Variants in SLC25A21 observed in about 807,000 individuals in gnomAD.
SLC25A21 encodes mitochondrial 2-oxodicarboxylate carrier.
A neutral mutation model predicts 43.8 loss-of-function variants in SLC25A21; 47 were observed. The observed-to-expected ratio is 1.07, with a 90% CI of 0.85 to 1.37. The LOEUF (loss-of-function observed/expected upper bound fraction) is 1.37. SLC25A21 is among the 40% of genes most tolerant of loss of function. The probability of loss-of-function intolerance (pLI) is 0.00; values close to 1 mark genes in which losing one functional copy is unlikely to be tolerated. For missense variants in SLC25A21, 352 were observed against 350.2 expected (o/e 1.00, Z -0.04); for synonymous variants, 131 against 121.3 (o/e 1.08, Z -0.52).
At position 36,752,484 on chromosome 14, in the gene SLC25A21, G is replaced by C. The variant is rs113175820; in HGVS notation, c.204-17911C>G. Among the ~76,000 whole-genome samples the C allele has an allele frequency of 3.2e-3, 488 of 152,258 alleles. 3 individuals carry two copies. The highest frequency in any genetic ancestry group is 0.011 in the African/African-American group (456 of 41,544). On this transcript the variant is annotated intron_variant, in intron 3 of 9. Transcript: ENST00000331299. ...CAGCATTATTCACAATAGCCAAAAG[G>C]TGAAAACAACCCAAATATCCATTGA...
chr14:36,861,849 C>T (rs979887834), intron 2 of SLC25A21, among the ~76,000 whole-genome samples: 3 of 152,096 alleles, frequency 2.0e-5, no homozygotes, highest in African/African-American at 7.2e-5. Flanking sequence ...CAAAAACTTG[C>T]CCTTAAAATA....
At chr14:37,065,286 G>A (rs1435533832) in intron 1 of SLC25A21, among the ~76,000 whole-genome samples, 2 of 152,138 alleles carry the variant, frequency 1.3e-5, no homozygotes, top group Non-Finnish European at 2.9e-5. Context: ...ACTTCCCACT[G>A]AAAACAACAA....
chr14:36,922,972 G>A (rs72667321), intron 1 of SLC25A21, among the ~76,000 whole-genome samples: 2,009 of 152,126 alleles, frequency 0.013, 23 homozygotes, highest in Non-Finnish European at 0.021. Context: ...AAAGCACGAC[G>A]CAGACCCAGG....
At chr14:37,065,408 T>C (rs1026457902) in intron 1 of SLC25A21, among the ~76,000 whole-genome samples, 5 of 152,192 alleles carry the variant, frequency 3.3e-5, no homozygotes, top group African/African-American at 1.2e-4. Context: ...TGAACCGAGC[T>C]CTGGAGATTA....
chr14:36,713,036 G>C (rs981253537), intron 6 of SLC25A21, among the ~76,000 whole-genome samples: 5 of 152,114 alleles, frequency 3.3e-5, no homozygotes, highest in Non-Finnish European at 7.4e-5. Flanking sequence ...AGCTTTCCTG[G>C]GGGTGGGAGG....
At chr14:36,715,351 A>G (rs1308573245) in intron 6 of SLC25A21, among the ~76,000 whole-genome samples, 2 of 152,230 alleles carry the variant, frequency 1.3e-5, no homozygotes, top group Non-Finnish European at 2.9e-5. Context: ...CTTAAATAGG[A>G]AAATATAGAA....
intron 1 of SLC25A21, among the ~76,000 whole-genome samples, chr14:36,930,138 G>T (rs561764252): frequency 2.6e-5 from 4 of 152,156 alleles, no homozygotes; most frequent in Non-Finnish European, 5.9e-5. Context: ...TTCCATTTAG[G>T]TGTGCTGGCT....
chr14:36,703,601 T>C (rs1259820367), intron 7 of SLC25A21, among the ~76,000 whole-genome samples: 2 of 152,184 alleles, frequency 1.3e-5, no homozygotes, highest in Non-Finnish European at 2.9e-5. Context: ...CCTGCAAACA[T>C]CCTTAATTAG....
intron 1 of SLC25A21, among the ~76,000 whole-genome samples, chr14:37,168,428 A>T (rs1414799791): frequency 9.9e-5 from 15 of 152,150 alleles, no homozygotes; most frequent in Admixed American, 9.8e-4. Context: ...ATTACAAACC[A>T]TCTTCTTATA....
Position 36,715,869 on chromosome 14 carries a change from G to A in SLC25A21, c.439-4387C>T, listed in dbSNP as rs1044899506. Reference sequence around the variant, plus strand: ...AGCACTTTGGGAGGCCAAGGAGTGTGGATCATGAGGTCAGGAGTGCGAGAC... The same window carrying A: ...AGCACTTTGGGAGGCCAAGGAGTGTAGATCATGAGGTCAGGAGTGCGAGAC... On this transcript the variant is annotated intron_variant, in intron 6 of 9. Coordinates refer to ENST00000331299, the MANE Select transcript of SLC25A21 (RefSeq NM_030631.4). Among the ~76,000 whole-genome samples, 3 of 151,962 alleles carry A rather than the reference G, an allele frequency of 2.0e-5. No homozygotes were observed. In the South Asian group the frequency reaches 6.2e-4, roughly 32 times the overall value.
intron 1 of SLC25A21, among the ~76,000 whole-genome samples, chr14:36,886,370 G>A (rs1890912248): frequency 6.6e-6 from 1 of 152,188 alleles, no homozygotes; most frequent in East Asian, 1.9e-4. Flanking sequence ...ATGCGTTTGA[G>A]CAAGCCACAG....
At chr14:36,719,217 C>T (rs1884278463) in intron 6 of SLC25A21, among the ~76,000 whole-genome samples, 6 of 152,218 alleles carry the variant, frequency 3.9e-5, no homozygotes, top group South Asian at 4.1e-4. Context: ...CTTAGCACAA[C>T]TGATAGGGGA....
intron 1 of SLC25A21, among the ~76,000 whole-genome samples, chr14:36,990,720 TAAAC>T (rs1212107749): frequency 6.6e-6 from 1 of 151,788 alleles, no homozygotes; most frequent in African/African-American, 2.4e-5. Context: ...CTACGAAAAA[TAAAC>T]AAAATTAGCT....
chr14:36,725,406 C>A (rs779722721), intron 6 of SLC25A21, 164 bp downstream of exon 6: 1 of 221,110 alleles, frequency 4.5e-6, no homozygotes, highest in African/African-American at 2.4e-5. Flanking sequence ...ACCCAGGAGA[C>A]GGAGGTTGCG....
rs183513729 is a variant in SLC25A21, at chr14:36,802,591, T to C, written c.203+11327A>G. The stretch of plus-strand genomic sequence containing the variant: ...CCAAAACTTCCAAGTGGAATTCTAA[T>C]CCAGGTCTCTTTGAACCCCAAGGTA... On this transcript the variant is annotated intron_variant, in intron 3 of 9. Coordinates refer to ENST00000331299, the MANE Select transcript of SLC25A21 (RefSeq NM_030631.4). 4.9e-4 allele frequency among the ~76,000 whole-genome samples: 75 copies of C among 152,290 alleles called. No individual in the cohort carries two copies. The Middle Eastern group carries it at 0.01, about 21-fold the overall frequency.
chr14:36,995,727 C>G (rs1374039216), intron 1 of SLC25A21, among the ~76,000 whole-genome samples: 1 of 152,128 alleles, frequency 6.6e-6, no homozygotes, highest in Non-Finnish European at 1.5e-5. Context: ...ACTGTTGGGC[C>G]TCAACCCAGA....
Position 36,680,070 on chromosome 14 carries a change from T to TAA in SLC25A21, c.*586_*587dup. 1.1e-6 allele frequency: 1 copy of TAA among 870,538 alleles called. No individual in the cohort carries two copies. The highest frequency in any genetic ancestry group is 1.4e-6 in the Non-Finnish European group (1 of 726,300). 53.9% of individuals were successfully genotyped at this position (870,538 alleles called of 1,614,324 possible). ...ATAGAGCTGATATGTGCATAGTTAC[T>TAA]AAAAAAAACCAACAGATTTACATTT... is the stretch of plus-strand genomic sequence containing the variant. On this transcript the variant is annotated 3_prime_UTR_variant, in exon 10 of 10. Coordinates refer to ENST00000331299, the MANE Select transcript of SLC25A21 (RefSeq NM_030631.4).
intron 1 of SLC25A21, among the ~76,000 whole-genome samples, chr14:36,905,068 TCTATTTTTCTAAAATTGGTGC>T (rs543115301): frequency 0.016 from 2,417 of 152,320 alleles, 62 homozygotes; most frequent in African/African-American, 0.054. Flanking sequence ...TAAGGTACAC[TCTATTTTTCTAAAATTGGTGC>T]TACTGGCATT....
rs148214076 is a variant in SLC25A21, at chr14:36,784,849, C to T, written c.203+29069G>A. Among the ~76,000 whole-genome samples, 37 of 152,200 alleles carry T rather than the reference C, an allele frequency of 2.4e-4. No individual in the cohort carries two copies. In the East Asian group the frequency reaches 7.0e-3, roughly 29 times the overall value. ...ATTCCCATTTTACAAATAAGGAGAA[C>T]CCAGGATTGTGTACGCTTACCATAC... On this transcript the variant is annotated intron_variant, in intron 3 of 9. Coordinates refer to ENST00000331299, the MANE Select transcript of SLC25A21 (RefSeq NM_030631.4).
Sources: allele counts gnomAD v4.1 joint callset (sites outside exome capture counted in the v4.1 genomes callset), GRCh38; gene constraint gnomAD v4.1.1; transcripts MANE v1.5; gene names NCBI Gene and HGNC (gene_info 2026-07-23, HGNC 2026-07-21).